Variants in TENM3 observed in about 807,000 individuals in gnomAD.
The protein encoded by TENM3 is teneurin-3.
TENM3 carries 63 observed loss-of-function variants against 255.1 expected under a neutral mutation model. The observed-to-expected ratio is 0.25, with a 90% CI of 0.20 to 0.30. The LOEUF (loss-of-function observed/expected upper bound fraction) is 0.30. TENM3 is among the 10% of genes least tolerant of loss of function. TENM3 has a pLI of 1.00. For missense variants in TENM3, 2,929 were observed against 3,461.1 expected (o/e 0.85, Z 3.86); for synonymous variants, 1,306 against 1,322.3 (o/e 0.99, Z 0.27).
the TENM3 span, among the ~76,000 whole-genome samples, chr4:181,865,171 G>A: frequency 1.3e-5 from 2 of 152,328 alleles, no homozygotes; most frequent in African/African-American, 4.8e-5. Flanking sequence ...GGCAAGCTGT[G>A]CTGGCTGTCG....
the TENM3 span, among the ~76,000 whole-genome samples, chr4:181,932,971 A>G: frequency 6.6e-6 from 1 of 152,144 alleles, no homozygotes; most frequent in Non-Finnish European, 1.5e-5. Flanking sequence ...CAATGAAAAC[A>G]CACGGACACA....
At chr4:182,646,103 G>A (rs941830967) in intron 5 of TENM3, among the ~76,000 whole-genome samples, 1 of 152,096 alleles carries the variant, frequency 6.6e-6, no homozygotes. Flanking sequence ...TTACTGCATG[G>A]GAATGCAACA....
chr4:182,599,510 GTTAAA>G (rs1458234267), intron 3 of TENM3, among the ~76,000 whole-genome samples: 17 of 152,208 alleles, frequency 1.1e-4, no homozygotes, highest in African/African-American at 4.1e-4. Context: ...ATTATTCATT[GTTAAA>G]TTATATGATA....
chr4:181,595,045 G>A, the TENM3 span, among the ~76,000 whole-genome samples: 1 of 152,006 alleles, frequency 6.6e-6, no homozygotes, highest in Non-Finnish European at 1.5e-5. Context: ...TCTCTTTTCT[G>A]AACTACTGAA....
At chr4:182,162,043 C>T (rs1428419071) in intron 1 of TENM3, among the ~76,000 whole-genome samples, 1 of 141,502 alleles carries the variant, frequency 7.1e-6, no homozygotes, top group African/African-American at 2.7e-5. Context: ...CAATGGATTT[C>T]TTTCTTTTTT....
intron 1 of TENM3, among the ~76,000 whole-genome samples, chr4:182,262,497 G>T (rs764996341): frequency 6.6e-6 from 1 of 152,148 alleles, no homozygotes; most frequent in Non-Finnish European, 1.5e-5. Context: ...TGACGAGAGT[G>T]ACCTCTGGTC....
the TENM3 span, among the ~76,000 whole-genome samples, chr4:182,136,790 G>C: frequency 6.6e-6 from 1 of 152,080 alleles, no homozygotes; most frequent in Admixed American, 6.6e-5. Flanking sequence ...TTCAACATAA[G>C]ATGAAAAAGG....
At chr4:181,803,934 C>T in the TENM3 span, among the ~76,000 whole-genome samples, 1 of 25,664 alleles carries the variant, frequency 3.9e-5, no homozygotes, top group African/African-American at 1.1e-4. Flanking sequence ...GACTTATTAT[C>T]TCAACAAAAA....
chr4:182,691,354 G>A (rs985281554), intron 12 of TENM3, among the ~76,000 whole-genome samples: 1 of 152,190 alleles, frequency 6.6e-6, no homozygotes, highest in Admixed American at 6.5e-5. Context: ...TACCAAACAG[G>A]AAGGTTAATT....
the TENM3 span, among the ~76,000 whole-genome samples, chr4:181,665,897 ATAAAG>A: frequency 3.3e-5 from 5 of 152,116 alleles, no homozygotes; most frequent in Non-Finnish European, 5.9e-5. Context: ...AATGCATAAA[ATAAAG>A]TAATTAATAT....
chr4:182,738,855 G>A (rs1000885270), intron 18 of TENM3, among the ~76,000 whole-genome samples: 8 of 148,802 alleles, frequency 5.4e-5, no homozygotes, highest in African/African-American at 1.7e-4. Context: ...CGTCAGCACA[G>A]ATTCACCTAG....
At chr4:181,855,595 A>G in the TENM3 span, among the ~76,000 whole-genome samples, 1 of 152,282 alleles carries the variant, frequency 6.6e-6, no homozygotes. Context: ...TAAGATATTG[A>G]AAAAGTGTAG....
the TENM3 span, among the ~76,000 whole-genome samples, chr4:181,752,540 A>C: frequency 6.6e-6 from 1 of 152,120 alleles, no homozygotes; most frequent in Non-Finnish European, 1.5e-5. Flanking sequence ...CGACAGAGCG[A>C]GAATCCATTT....
chr4:182,416,663 T>TG (rs1347921820), intron 3 of TENM3, among the ~76,000 whole-genome samples: 4 of 152,200 alleles, frequency 2.6e-5, no homozygotes, highest in Admixed American at 2.0e-4. Context: ...GTACCACTCT[T>TG]GGGGTCACAA....
intron 3 of TENM3, among the ~76,000 whole-genome samples, chr4:182,436,870 T>A (rs9998891): frequency 6.6e-6 from 1 of 151,848 alleles, no homozygotes; most frequent in Admixed American, 6.6e-5. Context: ...ATACAAAAAT[T>A]AGCCAGGCGT....
chr4:182,182,295 C>T (rs1236502072), intron 1 of TENM3, among the ~76,000 whole-genome samples: 3 of 152,002 alleles, frequency 2.0e-5, no homozygotes, highest in African/African-American at 4.8e-5. Flanking sequence ...AATGAACTAC[C>T]GCCTATTAAA....
chr4:182,028,197 G>T, the TENM3 span, among the ~76,000 whole-genome samples: 6 of 152,094 alleles, frequency 3.9e-5, no homozygotes, highest in African/African-American at 1.4e-4. Context: ...TTAAATCTTG[G>T]TAGGTTGTAT....
chr4:181,590,593 C>T, the TENM3 span, among the ~76,000 whole-genome samples: 1 of 152,176 alleles, frequency 6.6e-6, no homozygotes, highest in African/African-American at 2.4e-5. Flanking sequence ...TGGTCTCTGA[C>T]CAATGAGATT....
intron 22 of TENM3, among the ~76,000 whole-genome samples, chr4:182,769,713 G>A (rs560343116): frequency 6.6e-6 from 1 of 152,194 alleles, no homozygotes; most frequent in South Asian, 2.1e-4. Context: ...GAACTTGGGA[G>A]GCGGAGGTTG....
Sources: allele counts gnomAD v4.1 joint callset (sites outside exome capture counted in the v4.1 genomes callset), GRCh38; gene constraint gnomAD v4.1.1; transcripts MANE v1.5; gene names NCBI Gene and HGNC (gene_info 2026-07-23, HGNC 2026-07-21).